The following FAM83B variants were observed in gnomAD, a reference collection of about 807,000 sequenced individuals.
The protein encoded by FAM83B is protein FAM83B.
In FAM83B, 26 loss-of-function variants were observed where a neutral mutation model predicts 38.8. That is an observed-to-expected ratio of 0.67 (90% CI 0.49 to 0.93). The LOEUF (loss-of-function observed/expected upper bound fraction) is 0.93. Among genes scored for constraint, FAM83B ranks in the 40% least tolerant of loss-of-function variants. The pLI is 0.00. For synonymous variants in FAM83B, 419 were observed against 423.1 expected (o/e 0.99, Z 0.12); for missense variants, 1,237 against 1,197.3 (o/e 1.03, Z -0.49).
In FAM83B at chr6:54,941,756, A is replaced by G. The variant is rs1490868239; in HGVS notation, c.2785A>G (p.Thr929Ala). Reference protein sequence around the residue: ...TSSELLRSHSTDRRVYSRFEP... With the variant: ...TSSELLRSHSADRRVYSRFEP... Reference sequence around the variant, plus strand: ...CAGTGAGCTTCTACGATCTCATTCAACTGATCGGCGTGTTTACAGTCGTTT... The same window carrying G: ...CAGTGAGCTTCTACGATCTCATTCAGCTGATCGGCGTGTTTACAGTCGTTT... The change falls in exon 5 of 5, where the codon ACT (threonine) becomes GCT (alanine). Residue 929 changes from threonine to alanine, a missense_variant. Physicochemically the swap from Thr to Ala is moderately conservative, Grantham distance 58 (BLOSUM62 0). Transcript: ENST00000306858. 1.2e-6 allele frequency: 2 copies of G among 1,614,098 alleles called. No homozygotes were observed. The highest frequency in any genetic ancestry group is 2.2e-5 in the East Asian group (1 of 44,866).
chr6:54,895,789 G>A (rs1772516795), intron 2 of FAM83B, among the ~76,000 whole-genome samples: 1 of 152,074 alleles, frequency 6.6e-6, no homozygotes, highest in Non-Finnish European at 1.5e-5. Flanking sequence ...TACCCAGGCT[G>A]GAGTGCAGTG....
At chr6:54,851,345 C>T (rs1356771461) in intron 1 of FAM83B, among the ~76,000 whole-genome samples, 1 of 151,572 alleles carries the variant, frequency 6.6e-6, no homozygotes, top group African/African-American at 2.4e-5. Context: ...CTTCTGAGTC[C>T]TTCTGATTTA....
chr6:54,940,114 T>C lies in FAM83B; in HGVS notation c.1143T>C (p.Asn381=). 1 of 1,613,960 alleles carries C rather than the reference T, an allele frequency of 6.2e-7. No individual in the cohort carries two copies. Among genetic ancestry groups the C allele is most frequent in the Non-Finnish European group, 8.5e-7 (1 of 1,180,008 alleles). The part of the protein sequence containing the change: ...AIRQFQPNQI[N]ENWKRHSYAG... ...GTCAGTTTCAACCCAATCAGATAAA[T>C]GAAAATTGGAAAAGGCATAGTTATG... Residue 381 remains asparagine (N), a synonymous_variant, in exon 5 of 5, where the codon AAT becomes AAC. Coordinates refer to ENST00000306858, the MANE Select transcript of FAM83B (RefSeq NM_001010872.3).
chr6:54,849,746 G>C (rs1326484025), intron 1 of FAM83B, among the ~76,000 whole-genome samples: 4 of 151,714 alleles, frequency 2.6e-5, no homozygotes. Flanking sequence ...CCTTAAGAGT[G>C]GGGTGAGAAG....
chr6:54,876,316 T>G (rs1421689754), intron 2 of FAM83B, among the ~76,000 whole-genome samples: 1 of 131,214 alleles, frequency 7.6e-6, no homozygotes, highest in Non-Finnish European at 1.6e-5. Flanking sequence ...TATATATATA[T>G]ATATGTTTTT....
rs60889936 is a variant in FAM83B at position 54,890,956 on chromosome 6, A to G, written c.444+20266A>G. Among the ~76,000 whole-genome samples the G allele has an allele frequency of 5.4e-5, 7 of 128,756 alleles. No individual in the cohort carries two copies. In the East Asian group the frequency reaches 8.1e-4, roughly 15 times the overall value. 84.5% of individuals were successfully genotyped at this position (128,756 alleles called of 152,430 possible). On this transcript the variant is annotated intron_variant, in intron 2 of 4. Transcript: ENST00000306858. Reference sequence around the variant, plus strand: ...TTCTAATTTGCTTTCTTCAGAGAGAAAAAAAAAAATAAAGTTGTGATCTTG... The same window carrying G: ...TTCTAATTTGCTTTCTTCAGAGAGAGAAAAAAAAATAAAGTTGTGATCTTG...
intron 2 of FAM83B, among the ~76,000 whole-genome samples, chr6:54,923,383 C>T (rs1773215379): frequency 6.6e-6 from 1 of 151,980 alleles, no homozygotes; most frequent in South Asian, 2.1e-4. Flanking sequence ...ATATTATATA[C>T]ACCTTCAATC....
At chr6:54,933,449 T>G (rs544530816) in intron 4 of FAM83B, among the ~76,000 whole-genome samples, 14 of 152,236 alleles carry the variant, frequency 9.2e-5, no homozygotes, top group African/African-American at 3.1e-4. Flanking sequence ...TAGCAGTTAT[T>G]TTAAATATTT....
chr6:54,895,812 C>T (rs1027635369), intron 2 of FAM83B, among the ~76,000 whole-genome samples: 1 of 152,066 alleles, frequency 6.6e-6, no homozygotes, highest in Non-Finnish European at 1.5e-5. Context: ...GTGATCTTGG[C>T]TCACTGCAAC....
At chr6:54,849,466 G>C (rs1245192519) in intron 1 of FAM83B, among the ~76,000 whole-genome samples, 1 of 151,658 alleles carries the variant, frequency 6.6e-6, no homozygotes, top group Admixed American at 6.6e-5. Context: ...CTGTATGCTG[G>C]GGAGGAGGGT....
rs117185483 is a variant in FAM83B at position 54,875,624 on chromosome 6, A to C, written c.444+4934A>C. On this transcript the variant is annotated intron_variant, in intron 2 of 4. Transcript: ENST00000306858. ...AGTGTGTATGTTTGAGAGACAGGGC[A>C]TGAGAGGAGAAGGACGGAAAGAGAG... Among the ~76,000 whole-genome samples the C allele has an allele frequency of 2.5e-3, 376 of 152,160 alleles. 6 individuals are homozygous for C. Among genetic ancestry groups the C allele is most frequent in the East Asian group, 0.022 (116 of 5,182 alleles).
At chr6:54,904,997 A>G (rs1197432215) in intron 2 of FAM83B, among the ~76,000 whole-genome samples, 5 of 152,210 alleles carry the variant, frequency 3.3e-5, no homozygotes, top group Non-Finnish European at 5.9e-5. Context: ...GGCAAGTTGT[A>G]AAATGATTGG....
chr6:54,925,389 C>T (rs1435984025), intron 2 of FAM83B, among the ~76,000 whole-genome samples: 1 of 152,106 alleles, frequency 6.6e-6, no homozygotes, highest in Non-Finnish European at 1.5e-5. Context: ...TTGCATGGCC[C>T]ATAGTAGGTG....
In FAM83B at chr6:54,912,204, A is replaced by G. The variant is rs181991844; in HGVS notation, c.445-14167A>G. On this transcript the variant is annotated intron_variant, in intron 2 of 4. Coordinates refer to ENST00000306858, the MANE Select transcript of FAM83B (RefSeq NM_001010872.3). ...CTGTGAAAGTTTTTGAATTTCACAA[A>G]TAAAACAATTTGGTTTAATGTAATG... Among the ~76,000 whole-genome samples, 7 of 152,156 alleles carry G rather than the reference A, an allele frequency of 4.6e-5. No homozygotes were observed. The East Asian group carries it at 1.3e-3, about 29-fold the overall frequency.
chr6:54,893,249 C>T (rs966096270), intron 2 of FAM83B, among the ~76,000 whole-genome samples: 13 of 152,100 alleles, frequency 8.5e-5, no homozygotes, highest in African/African-American at 2.9e-4. Flanking sequence ...ATAACTAATA[C>T]AGTATATTTT....
At position 54,926,517 on chromosome 6, in the gene FAM83B, T is replaced by C; in HGVS notation, c.591T>C (p.Cys197=). The change falls in exon 3 of 5, where the codon TGT becomes TGC. Residue 197 remains cysteine, a synonymous_variant. Coordinates refer to ENST00000306858, the MANE Select transcript of FAM83B (RefSeq NM_001010872.3). ...TAAATATGACTGAGAAACAAGGTTG[T>C]TCAGTTCAGCGTCTCAGGGTAAGAA... ...HFLNMTEKQG[C]SVQRLRNIRV... 1.9e-6 allele frequency: 3 copies of C among 1,597,994 alleles called. No individual in the cohort carries two copies. Among genetic ancestry groups the C allele is most frequent in the African/African-American group, 1.3e-5 (1 of 74,474 alleles).
intron 2 of FAM83B, among the ~76,000 whole-genome samples, chr6:54,891,739 T>C (rs1772407507): frequency 1.3e-5 from 2 of 152,206 alleles, no homozygotes; most frequent in South Asian, 4.1e-4. Context: ...AAGACTACAG[T>C]ATCTTGGAAT....
At chr6:54,916,434 G>T (rs1048157408) in intron 2 of FAM83B, among the ~76,000 whole-genome samples, 1 of 151,912 alleles carries the variant, frequency 6.6e-6, no homozygotes, top group Non-Finnish European at 1.5e-5. Flanking sequence ...TTACACTTAA[G>T]AATTAAAAGC....
At chr6:54,854,688 G>A (rs1771400437) in intron 1 of FAM83B, among the ~76,000 whole-genome samples, 2 of 152,258 alleles carry the variant, frequency 1.3e-5, no homozygotes, top group Admixed American at 6.5e-5. Context: ...AAAAATTTGT[G>A]TAACTCATTT....
Sources: gnomAD v4.1 joint callset for allele counts (sites outside exome capture counted in the v4.1 genomes callset) on GRCh38, gnomAD v4.1.1 for gene constraint, MANE v1.5 for transcripts, NCBI Gene and HGNC (gene_info 2026-07-23, HGNC 2026-07-21) for gene names.